Variants in GNAL observed in about 807,000 individuals in gnomAD.
The protein encoded by GNAL is guanine nucleotide-binding protein G(olf) subunit alpha.
A neutral mutation model predicts 55.1 loss-of-function variants in GNAL; 18 were observed. The ratio of observed to expected loss-of-function variants is 0.33; its 90% confidence interval spans 0.23 to 0.48. The LOEUF is 0.48. GNAL is among the 20% of genes least tolerant of loss of function. GNAL has a pLI of 0.99. For missense variants in GNAL, 412 were observed against 614.1 expected (o/e 0.67, Z 3.48); for synonymous variants, 253 against 237.0 (o/e 1.07, Z -0.62).
chr18:11,704,751 T>C (rs1453329191), intron 1 of GNAL, among the ~76,000 whole-genome samples: 1 of 151,360 alleles, frequency 6.6e-6, no homozygotes, highest in Non-Finnish European at 1.5e-5. Flanking sequence ...GTGAAATTAT[T>C]AATGGAGGTG....
In GNAL at chr18:11,876,756, A is replaced by C. The variant is rs184311664; in HGVS notation, c.1230+68A>C. 59 of 855,688 alleles carry C rather than the reference A, an allele frequency of 6.9e-5. 1 individual carries two copies. The Admixed American group carries it at 1.0e-3, about 14-fold the overall frequency. 53.0% of individuals were successfully genotyped at this position (855,688 alleles called of 1,614,324 possible). A position where few individuals can be genotyped will look rare whatever the true frequency, so the allele number is the denominator to read the frequency against. On this transcript the variant is annotated intron_variant, in intron 11 of 11. Transcript: ENST00000334049. Reference sequence around the variant, plus strand: ...AATCTTTTGTTTCTTACAATATGCAAATTACTCCTTGATGATCTCATTTAA... The same window carrying C: ...AATCTTTTGTTTCTTACAATATGCACATTACTCCTTGATGATCTCATTTAA...
chr18:11,723,944 G>A (rs1458234836), intron 1 of GNAL, among the ~76,000 whole-genome samples: 1 of 152,196 alleles, frequency 6.6e-6, no homozygotes, highest in Non-Finnish European at 1.5e-5. Flanking sequence ...GGATGAGAAG[G>A]AACTGGTCTT....
At position 11,689,520 on chromosome 18, in the gene GNAL, G is replaced by GCCCGC. The variant is rs2143265236; in HGVS notation, c.-42_-41insCGCCC. 9.8e-7 allele frequency: 1 copy of GCCCGC among 1,023,732 alleles called. No individual in the cohort carries two copies. The highest frequency in any genetic ancestry group is 1.7e-5 in the African/African-American group (1 of 59,888). The allele number at this position is 1,023,732 out of a possible 1,614,324, so 63.4% of individuals were successfully genotyped here. A position where few individuals can be genotyped will look rare whatever the true frequency, so the allele number is the denominator to read the frequency against. On this transcript the variant is annotated 5_prime_UTR_variant, in exon 1 of 12. Transcript: ENST00000334049. ...GGAACCAGGCCGCCCTCGGCGCCCA[G>GCCCGC]CCTGCCCTAGTCCCGCGCGCCGCCC...
At position 11,855,972 on chromosome 18, in the gene GNAL, CA is replaced by C. The variant is rs1208725087; in HGVS notation, c.723-6411del. 5.7e-4 allele frequency among the ~76,000 whole-genome samples: 78 copies of C among 136,930 alleles called. 1 individual carries two copies. Among genetic ancestry groups the C allele is most frequent in the Middle Eastern group, 3.7e-3 (1 of 272 alleles). 89.8% of individuals were successfully genotyped at this position (136,930 alleles called of 152,430 possible). On this transcript the variant is annotated intron_variant, in intron 5 of 11. Coordinates refer to ENST00000334049, the MANE Select transcript of GNAL (RefSeq NM_182978.4). The stretch of plus-strand genomic sequence containing the variant: ...GGGCAACAAGAGCGAAACTCCATCT[CA>C]AAAAAAAAAAAGTGCTGAAAATAAG...
rs1010817343 is a variant in GNAL at position 11,884,958 on chromosome 18, G to A, written c.*3823G>A. 65 of 1,292,730 alleles carry A rather than the reference G, an allele frequency of 5.0e-5. No individual in the cohort carries two copies. In the Middle Eastern group the frequency reaches 1.9e-3, roughly 39 times the overall value. The allele number at this position is 1,292,730 out of a possible 1,614,324, so 80.1% of individuals were successfully genotyped here. ...CATAACAGAGATTCAGAGAGGCACCGTGGAGTTCCAGGGTCATCGGTCAGC... is the reference window on the plus strand; with the variant it reads ...CATAACAGAGATTCAGAGAGGCACCATGGAGTTCCAGGGTCATCGGTCAGC... On this transcript the variant is annotated 3_prime_UTR_variant, in exon 12 of 12. Coordinates refer to ENST00000334049, the MANE Select transcript of GNAL (RefSeq NM_182978.4).
intron 1 of GNAL, among the ~76,000 whole-genome samples, chr18:11,729,103 C>T (rs1366882349): frequency 6.6e-6 from 1 of 151,976 alleles, no homozygotes. Flanking sequence ...TGGCCGCAAA[C>T]GAGATAGTTA....
Position 11,862,880 on chromosome 18 carries a change from ATT to A in GNAL, c.777+446_777+447del, listed in dbSNP as rs35630944. On this transcript the variant is annotated intron_variant, in intron 6 of 11. Coordinates refer to ENST00000334049, the MANE Select transcript of GNAL (RefSeq NM_182978.4). ...TGAGTCAAAAAAAAAGCACTCCACC[ATT>A]TTTTTTTTTTTTTTGAAATGGAGTC... Among the ~76,000 whole-genome samples, 509 of 135,018 alleles carry A rather than the reference ATT, an allele frequency of 3.8e-3. 2 individuals are homozygous for A. The highest frequency in any genetic ancestry group is 7.5e-3 in the African/African-American group (277 of 37,038). The allele number at this position is 135,018 out of a possible 152,430, so 88.6% of individuals were successfully genotyped here. A position where few individuals can be genotyped will look rare whatever the true frequency, so the allele number is the denominator to read the frequency against.
intron 11 of GNAL, 87 bp downstream of exon 11, chr18:11,876,775 C>G: frequency 2.5e-6 from 2 of 803,192 alleles, no homozygotes; most frequent in East Asian, 4.9e-5. Context: ...TTGATGATCT[C>G]ATTTAATCTT....
intron 5 of GNAL, among the ~76,000 whole-genome samples, chr18:11,836,921 C>T (rs2035510217): frequency 6.6e-6 from 1 of 152,202 alleles, no homozygotes. Context: ...TCTCCATCCA[C>T]TTCATATCTT....
At chr18:11,694,052 C>T (rs922487643) in intron 1 of GNAL, among the ~76,000 whole-genome samples, 6 of 151,974 alleles carry the variant, frequency 3.9e-5, no homozygotes, top group Admixed American at 3.3e-4. Context: ...GGGGTTTCAC[C>T]ATGTTACCCC....
At chr18:11,760,441 A>G (rs774643463) in intron 4 of GNAL, among the ~76,000 whole-genome samples, 62 of 152,228 alleles carry the variant, frequency 4.1e-4, no homozygotes, top group Non-Finnish European at 7.5e-4. Context: ...AAAAGGGCAC[A>G]GTAAACTTTC....
At chr18:11,842,668 T>A (rs1196906819) in intron 5 of GNAL, among the ~76,000 whole-genome samples, 1 of 152,030 alleles carries the variant, frequency 6.6e-6, no homozygotes, top group Non-Finnish European at 1.5e-5. Flanking sequence ...ATGCCATCGC[T>A]GATATGACAG....
At chr18:11,722,492 G>T (rs1370748957) in intron 1 of GNAL, among the ~76,000 whole-genome samples, 1 of 152,166 alleles carries the variant, frequency 6.6e-6, no homozygotes, top group East Asian at 1.9e-4. Flanking sequence ...AGCAAATAAA[G>T]CACCCTTCAC....
At chr18:11,873,849 C>CA (rs142855128) in intron 10 of GNAL, among the ~76,000 whole-genome samples, 9,765 of 152,104 alleles carry the variant, frequency 0.064, 424 homozygotes, top group Middle Eastern at 0.17. Context: ...GCTCGGCGGC[C>CA]GGGGGGTCCT....
At chr18:11,775,360 T>A (rs1207397322) in intron 4 of GNAL, among the ~76,000 whole-genome samples, 1 of 152,242 alleles carries the variant, frequency 6.6e-6, no homozygotes, top group African/African-American at 2.4e-5. Flanking sequence ...ATTGAATAGT[T>A]AGCTTTGTAG....
At chr18:11,832,999 T>C (rs1382866770) in intron 5 of GNAL, among the ~76,000 whole-genome samples, 1 of 152,170 alleles carries the variant, frequency 6.6e-6, no homozygotes, top group Non-Finnish European at 1.5e-5. Context: ...CATATTCTTC[T>C]TACCTCTCAT....
At chr18:11,727,651 CA>C (rs2032243826) in intron 1 of GNAL, among the ~76,000 whole-genome samples, 1 of 152,162 alleles carries the variant, frequency 6.6e-6, no homozygotes, top group South Asian at 2.1e-4. Context: ...TGTTTTAATC[CA>C]GACCCTTTTC....
intron 4 of GNAL, among the ~76,000 whole-genome samples, chr18:11,783,379 A>G (rs1199099853): frequency 2.6e-5 from 4 of 152,266 alleles, no homozygotes; most frequent in South Asian, 4.1e-4. Flanking sequence ...TATTTAATAC[A>G]TAAAAGACTA....
intron 1 of GNAL, among the ~76,000 whole-genome samples, chr18:11,739,384 G>A (rs1468229222): frequency 6.6e-6 from 1 of 152,140 alleles, no homozygotes; most frequent in East Asian, 1.9e-4. Context: ...CATCATGGCC[G>A]TTGACTCCCA....
Sources: gnomAD v4.1 joint callset for allele counts (sites outside exome capture counted in the v4.1 genomes callset) on GRCh38, gnomAD v4.1.1 for gene constraint, MANE v1.5 for transcripts, NCBI Gene and HGNC (gene_info 2026-07-23, HGNC 2026-07-21) for gene names.